Variants in ICA1L observed in about 807,000 individuals in gnomAD.
ICA1L encodes the protein islet cell autoantigen 1 like.
Under a neutral mutation model 61.3 loss-of-function variants are expected in ICA1L, and 50 were observed. The observed-to-expected ratio is 0.82, with a 90% CI of 0.65 to 1.03. The LOEUF (loss-of-function observed/expected upper bound fraction) is 1.03, where lower values mean the gene tolerates loss of function less well. Ranked by LOEUF, ICA1L falls within the 50% of genes least tolerant of loss-of-function variation. ICA1L has a pLI of 0.00. For synonymous variants in ICA1L, 161 were observed against 191.3 expected (o/e 0.84, Z 1.31); for missense variants, 508 against 556.7 (o/e 0.91, Z 0.88).
intron 1 of ICA1L, among the ~76,000 whole-genome samples, chr2:202,850,965 A>G (rs1694601358): frequency 6.6e-6 from 1 of 151,724 alleles, no homozygotes; most frequent in African/African-American, 2.4e-5. Context: ...ACAAGCCAGA[A>G]GAGAGTGGGG....
intron 1 of ICA1L, among the ~76,000 whole-genome samples, chr2:202,868,934 C>T (rs984081994): frequency 6.6e-6 from 1 of 152,072 alleles, no homozygotes; most frequent in African/African-American, 2.4e-5. Context: ...CGCCACTGCA[C>T]TCCAGTCTGG....
At chr2:202,836,164 G>A (rs1046060197) in intron 1 of ICA1L, among the ~76,000 whole-genome samples, 2 of 152,106 alleles carry the variant, frequency 1.3e-5, no homozygotes, top group Non-Finnish European at 2.9e-5. Flanking sequence ...GTCATACAAG[G>A]CCTTTATTAC....
chr2:202,786,036 T>C (rs1692568695), intron 11 of ICA1L, 29 bp from the exon 12 acceptor site: 1 of 1,300,666 alleles, frequency 7.7e-7, no homozygotes, highest in East Asian at 2.3e-5. Flanking sequence ...AAATTGTCCA[T>C]TGTTAATCAA....
intron 1 of ICA1L, among the ~76,000 whole-genome samples, chr2:202,847,539 T>G (rs1350713966): frequency 6.6e-6 from 1 of 151,958 alleles, no homozygotes; most frequent in Admixed American, 6.6e-5. Flanking sequence ...TCCTCATCAG[T>G]AAAATACGAA....
intron 1 of ICA1L, among the ~76,000 whole-genome samples, chr2:202,851,058 C>T (rs942687521): frequency 5.3e-5 from 8 of 151,476 alleles, no homozygotes; most frequent in African/African-American, 1.5e-4. Flanking sequence ...ATGTGCACAA[C>T]GTGCAGGTTT....
intron 9 of ICA1L, among the ~76,000 whole-genome samples, chr2:202,803,909 C>G (rs913561535): frequency 6.6e-6 from 1 of 152,142 alleles, no homozygotes; most frequent in African/African-American, 2.4e-5. Flanking sequence ...AAATTCTAAA[C>G]TTGTATATAC....
At chr2:202,807,019 C>A (rs1031388020) in intron 9 of ICA1L, among the ~76,000 whole-genome samples, 1 of 152,164 alleles carries the variant, frequency 6.6e-6, no homozygotes, top group African/African-American at 2.4e-5. Context: ...CGTTTAAAAG[C>A]ACCTATCTTT....
intron 5 of ICA1L, among the ~76,000 whole-genome samples, chr2:202,818,672 GGA>G (rs1335761668): frequency 6.6e-6 from 1 of 151,748 alleles, no homozygotes; most frequent in Admixed American, 6.6e-5. Flanking sequence ...GTTTTAAAAT[GGA>G]GAGTTTCCCT....
chr2:202,821,307 A>C, intron 4 of ICA1L, 51 bp downstream of exon 4: 1 of 1,584,938 alleles, frequency 6.3e-7, no homozygotes, highest in Non-Finnish European at 8.6e-7. Flanking sequence ...TACACATGTC[A>C]AAACTGTCAG....
intron 2 of ICA1L, 82 bp downstream of exon 2, chr2:202,828,766 C>T: frequency 9.1e-7 from 1 of 1,094,334 alleles, no homozygotes; most frequent in South Asian, 1.3e-5. Flanking sequence ...ATAAACTCTC[C>T]AGTGTGAAAA....
chr2:202,790,191 A>G (rs958294926), intron 10 of ICA1L, among the ~76,000 whole-genome samples: 1 of 152,146 alleles, frequency 6.6e-6, no homozygotes, highest in African/African-American at 2.4e-5. Flanking sequence ...TTACCTTTTG[A>G]CAATAGAATA....
chr2:202,790,978 AAC>A (rs1336957857), intron 10 of ICA1L, among the ~76,000 whole-genome samples: 3 of 152,228 alleles, frequency 2.0e-5, no homozygotes, highest in Non-Finnish European at 4.4e-5. Context: ...CTTCATTTGT[AAC>A]AGAGTGTAGA....
chr2:202,793,494 TAAAAAAAAAAAAAAAAAA>T (rs755015399), intron 10 of ICA1L, among the ~76,000 whole-genome samples: 1 of 31,334 alleles, frequency 3.2e-5, no homozygotes, highest in Non-Finnish European at 5.1e-5. Context: ...CCGTCTCTAC[TAAAAAAAAAAAAAAAAAA>T]AAAAAAAAAA....
intron 1 of ICA1L, among the ~76,000 whole-genome samples, chr2:202,839,519 A>AC (rs1443809378): frequency 1.4e-5 from 2 of 145,262 alleles, no homozygotes; most frequent in African/African-American, 5.1e-5. Flanking sequence ...AAAAAAAAAA[A>AC]GGTGAAGTGA....
chr2:202,830,811 G>A (rs1559141298), intron 1 of ICA1L, among the ~76,000 whole-genome samples: 1 of 152,096 alleles, frequency 6.6e-6, no homozygotes, highest in East Asian at 1.9e-4. Context: ...AAAAACAAGA[G>A]TAAGGCATGT....
intron 1 of ICA1L, chr2:202,840,245 C>T (rs1406000419): frequency 9.3e-6 from 4 of 431,104 alleles, no homozygotes; most frequent in Non-Finnish European, 1.8e-5. Context: ...GTCTCCTGTT[C>T]CCTGTGCTCC....
At chr2:202,787,617 T>A (rs1262529088) in intron 11 of ICA1L, among the ~76,000 whole-genome samples, 1 of 152,220 alleles carries the variant, frequency 6.6e-6, no homozygotes, top group Non-Finnish European at 1.5e-5. Context: ...GCTGCTGTCA[T>A]AGAAAGTACA....
At chr2:202,852,859 G>A (rs1359495492) in intron 1 of ICA1L, among the ~76,000 whole-genome samples, 1 of 150,238 alleles carries the variant, frequency 6.7e-6, no homozygotes, top group African/African-American at 2.4e-5. Flanking sequence ...TCAGAGAAAT[G>A]CATATGACCA....
intron 9 of ICA1L, among the ~76,000 whole-genome samples, chr2:202,799,523 G>C (rs1693031918): frequency 6.6e-6 from 1 of 152,132 alleles, no homozygotes; most frequent in African/African-American, 2.4e-5. Flanking sequence ...TTAGTCCCGT[G>C]CTGGAAGAAC....
Sources: gnomAD v4.1 joint callset for allele counts (sites outside exome capture counted in the v4.1 genomes callset) on GRCh38, gnomAD v4.1.1 for gene constraint, MANE v1.5 for transcripts, NCBI Gene and HGNC (gene_info 2026-07-23, HGNC 2026-07-21) for gene names.